The following SLC25A18 variants were observed in gnomAD, a reference collection of about 807,000 sequenced individuals.
SLC25A18 encodes mitochondrial glutamate carrier 2.
In SLC25A18, 24 loss-of-function variants were observed where a neutral mutation model predicts 31.1. The observed-to-expected ratio is 0.77, with a 90% confidence interval of 0.56 to 1.08. SLC25A18 has a LOEUF of 1.08. Ranked by LOEUF, SLC25A18 falls within the 50% of genes least tolerant of loss-of-function variation. SLC25A18 has a pLI of 0.00. For synonymous variants in SLC25A18, 173 were observed against 161.9 expected (o/e 1.07, Z -0.52); for missense variants, 371 against 418.5 (o/e 0.89, Z 0.99).
intron 2 of SLC25A18, among the ~76,000 whole-genome samples, chr22:17,574,692 T>C (rs1470841227): frequency 6.7e-6 from 1 of 150,360 alleles, no homozygotes; most frequent in Non-Finnish European, 1.5e-5. Flanking sequence ...TGACTGATTT[T>C]TGTGTTTTTA....
rs1601279642 is a variant in SLC25A18, at chr22:17,572,636, A to ATTT, written c.-201+2650_-201+2651insTTT. Among the ~76,000 whole-genome samples the ATTT allele has an allele frequency of 2.6e-4, 27 of 103,096 alleles. 1 individual carries two copies. The highest frequency in any genetic ancestry group is 6.0e-4 in the African/African-American group (17 of 28,104). 67.6% of individuals were successfully genotyped at this position (103,096 alleles called of 152,430 possible). ...TGGCGAGACCCCATCTCTACAAATA[A>ATTT]ATTTTTTTTTTTTTTTTTTTTTTGA... On this transcript the variant is annotated intron_variant, in intron 2 of 10. Transcript: ENST00000327451.
At chr22:17,583,572 G>T in intron 7 of SLC25A18, 38 bp downstream of exon 7, 1 of 1,604,044 alleles carries the variant, frequency 6.2e-7, no homozygotes. Flanking sequence ...AACAGTAAAG[G>T]GCTGGGATTG....
At chr22:17,579,698 CGTCCTCGCCCATCTGTGAGGTGA>C in intron 2 of SLC25A18, 24 bp from the exon 3 acceptor site, 1 of 1,317,140 alleles carries the variant, frequency 7.6e-7, no homozygotes, top group South Asian at 2.2e-5. Flanking sequence ...TAGTGACGTG[CGTCCTCGCCCATCTGTGAGGTGA>C]GTGTTTCTCT....
intron 2 of SLC25A18, among the ~76,000 whole-genome samples, chr22:17,573,418 T>G (rs140566411): frequency 1.3e-5 from 2 of 152,208 alleles, no homozygotes; most frequent in East Asian, 3.9e-4. Context: ...AGAACCATCC[T>G]TAGCCACCTC....
At chr22:17,566,923 G>A (rs1350723319) in intron 1 of SLC25A18, among the ~76,000 whole-genome samples, 1 of 152,204 alleles carries the variant, frequency 6.6e-6, no homozygotes, top group African/African-American at 2.4e-5. Flanking sequence ...CACTTTGATA[G>A]GCTGAGGCAG....
intron 5 of SLC25A18, chr22:17,581,705 G>A (rs1291769412): frequency 4.8e-6 from 2 of 420,642 alleles, no homozygotes; most frequent in Non-Finnish European, 8.6e-6. Context: ...GGCTGAAAGG[G>A]ACTGAGGGAC....
At chr22:17,584,805 A>G (rs8141307) in intron 7 of SLC25A18, among the ~76,000 whole-genome samples, 6 of 151,266 alleles carry the variant, frequency 4.0e-5, no homozygotes, top group African/African-American at 1.5e-4. Context: ...AAAAAAAAAA[A>G]AAAGAAATGC....
chr22:17,584,442 GGAAGGA>G (rs1470569757), intron 7 of SLC25A18, among the ~76,000 whole-genome samples: 6 of 98,900 alleles, frequency 6.1e-5, no homozygotes, highest in African/African-American at 1.5e-4. Context: ...AAGGAAGGAA[GGAAGGA>G]GAGAGAGAGA....
intron 2 of SLC25A18, among the ~76,000 whole-genome samples, chr22:17,573,667 C>T (rs1024645501): frequency 6.6e-6 from 1 of 152,138 alleles, no homozygotes; most frequent in Non-Finnish European, 1.5e-5. Context: ...TCCTTCCCTG[C>T]AGGCAGCTTC....
At chr22:17,578,075 C>G (rs772790045) in intron 2 of SLC25A18, among the ~76,000 whole-genome samples, 26 of 151,172 alleles carry the variant, frequency 1.7e-4, no homozygotes. Context: ...ACCTCCACCT[C>G]CTGGCCTCAA....
chr22:17,568,969 A>G (rs961637570), intron 1 of SLC25A18, among the ~76,000 whole-genome samples: 1 of 151,420 alleles, frequency 6.6e-6, no homozygotes. Flanking sequence ...CTTATTTTTA[A>G]TTAGATGGGG....
At chr22:17,575,009 G>A (rs1182936166) in intron 2 of SLC25A18, among the ~76,000 whole-genome samples, 3 of 151,604 alleles carry the variant, frequency 2.0e-5, no homozygotes, top group East Asian at 3.9e-4. Context: ...GCATCACCAC[G>A]CCCAGCTAAT....
chr22:17,585,705 A>G (rs990513485), intron 7 of SLC25A18, among the ~76,000 whole-genome samples: 8 of 149,122 alleles, frequency 5.4e-5, no homozygotes, highest in Non-Finnish European at 1.0e-4. Flanking sequence ...CTGGAGTCCA[A>G]TGGCACTGTC....
chr22:17,564,025 C>A (rs536613090), intron 1 of SLC25A18, among the ~76,000 whole-genome samples: 1 of 152,196 alleles, frequency 6.6e-6, no homozygotes, highest in Admixed American at 6.5e-5. Flanking sequence ...CTGGCTTCAT[C>A]GCTTGTTCTG....
intron 2 of SLC25A18, 67 bp downstream of exon 2, chr22:17,570,053 C>T (rs1322305540): frequency 1.0e-6 from 1 of 952,544 alleles, no homozygotes; most frequent in Non-Finnish European, 1.2e-6. Flanking sequence ...GCAAATAAAC[C>T]ATTGGGGGAA....
At chr22:17,579,176 G>A (rs1043982646) in intron 2 of SLC25A18, among the ~76,000 whole-genome samples, 2 of 150,740 alleles carry the variant, frequency 1.3e-5, no homozygotes, top group Non-Finnish European at 3.0e-5. Context: ...CACAACCTCT[G>A]TCTCCTGGAT....
At chr22:17,578,567 T>C (rs1273059426) in intron 2 of SLC25A18, among the ~76,000 whole-genome samples, 3 of 152,194 alleles carry the variant, frequency 2.0e-5, no homozygotes, top group Non-Finnish European at 4.4e-5. Flanking sequence ...CCTCAGAGCC[T>C]GGGCCAGCCT....
At chr22:17,580,857 G>C in intron 3 of SLC25A18, 180 bp from the exon 4 acceptor site, 1 of 1,334,946 alleles carries the variant, frequency 7.5e-7, no homozygotes, top group Non-Finnish European at 9.6e-7. Context: ...GCCTCACCCG[G>C]GTGAGTGCGG....
chr22:17,569,751 G>C, intron 1 of SLC25A18, 173 bp from the exon 2 acceptor site: 1 of 985,450 alleles, frequency 1.0e-6, no homozygotes, highest in Non-Finnish European at 1.2e-6. Context: ...GGCTTGACTG[G>C]ATAGTAGCCT....
Sources: gnomAD v4.1 joint callset for allele counts (sites outside exome capture counted in the v4.1 genomes callset) on GRCh38, gnomAD v4.1.1 for gene constraint, MANE v1.5 for transcripts, NCBI Gene and HGNC (gene_info 2026-07-23, HGNC 2026-07-21) for gene names.